The following PSD3 variants were observed in gnomAD, a reference collection of about 807,000 sequenced individuals.
PSD3 encodes the protein PH and SEC7 domain-containing protein 3.
In PSD3, 49 loss-of-function variants were observed where a neutral mutation model predicts 105.5. The observed-to-expected ratio is 0.46, with a 90% CI of 0.37 to 0.59. The LOEUF (loss-of-function observed/expected upper bound fraction) is 0.59. Ranked by LOEUF, PSD3 falls within the 20% of genes least tolerant of loss-of-function variation. The probability of loss-of-function intolerance (pLI) is 0.00; values close to 1 mark genes in which losing one functional copy is unlikely to be tolerated. For synonymous variants in PSD3, 557 were observed against 457.8 expected, an observed-to-expected ratio of 1.22 and a Z score of -2.77; for missense variants, 1,561 against 1,263.8, an observed-to-expected ratio of 1.24 and a Z score of -3.57.
At chr8:18,764,378 A>G (rs1207531847) in intron 9 of PSD3, among the ~76,000 whole-genome samples, 1 of 152,190 alleles carries the variant, frequency 6.6e-6, no homozygotes, top group African/African-American at 2.4e-5. Flanking sequence ...AAATGGCAGC[A>G]CTTGCTGTAC....
At chr8:19,072,358 AT>A (rs1255856059) in intron 1 of PSD3, among the ~76,000 whole-genome samples, 2 of 152,276 alleles carry the variant, frequency 1.3e-5, no homozygotes, top group Non-Finnish European at 2.9e-5. Context: ...AAGTGCTGGG[AT>A]TATAGGACTG....
chr8:18,745,503 C>T (rs1804934878), intron 9 of PSD3, among the ~76,000 whole-genome samples: 1 of 152,160 alleles, frequency 6.6e-6, no homozygotes, highest in Non-Finnish European at 1.5e-5. Flanking sequence ...GCACACCACC[C>T]TCTTCTTTTG....
intron 15 of PSD3, among the ~76,000 whole-genome samples, chr8:18,546,759 T>C (rs1387524811): frequency 1.3e-5 from 2 of 152,238 alleles, no homozygotes; most frequent in Non-Finnish European, 2.9e-5. Context: ...TGTACATTTG[T>C]ACCTTTTGAT....
intron 4 of PSD3, among the ~76,000 whole-genome samples, chr8:18,821,406 G>A (rs930156278): frequency 3.9e-5 from 5 of 127,270 alleles, no homozygotes; most frequent in African/African-American, 1.3e-4. Context: ...ATAATACCAG[G>A]TTCCAAAAAG....
chr8:19,058,615 C>T (rs1208791593), intron 1 of PSD3, among the ~76,000 whole-genome samples: 1 of 151,942 alleles, frequency 6.6e-6, no homozygotes, highest in Admixed American at 6.6e-5. Flanking sequence ...TCTACCCTAC[C>T]AGCTAGGCCC....
At position 18,905,853 on chromosome 8, in the gene PSD3, T is replaced by C. The variant is rs145011591; in HGVS notation, c.130+30181A>G. ...AATAATTTTTACCACTCCCTATACT[T>C]ACTAAGATTAAAGCAAGTGGTCTCT... On this transcript the variant is annotated intron_variant, in intron 2 of 15. Transcript: ENST00000327040. Among the ~76,000 whole-genome samples, 179 of 152,258 alleles carry C rather than the reference T, an allele frequency of 1.2e-3. 2 individuals carry two copies. The highest frequency in any genetic ancestry group is 3.7e-3 in the African/African-American group (154 of 41,554).
At chr8:18,762,787 G>T (rs9792188) in intron 9 of PSD3, 24,324 of 523,730 alleles carry the variant, frequency 0.046, 2,162 homozygotes, top group African/African-American at 0.23. Flanking sequence ...TTGAAGGACT[G>T]TACACAAGCT....
intron 9 of PSD3, among the ~76,000 whole-genome samples, chr8:18,728,366 C>A (rs935981907): frequency 6.6e-6 from 1 of 152,196 alleles, no homozygotes; most frequent in Non-Finnish European, 1.5e-5. Context: ...CAATTAAAAA[C>A]CAGCTACCAC....
At chr8:18,961,107 A>C (rs71510634) in intron 1 of PSD3, among the ~76,000 whole-genome samples, 3 of 151,702 alleles carry the variant, frequency 2.0e-5, no homozygotes, top group Non-Finnish European at 4.4e-5. Context: ...AAACAAACAA[A>C]CAAAAAGACT....
At chr8:18,575,342 T>G in intron 12 of PSD3, 57 bp from the exon 13 acceptor site, 1 of 1,439,130 alleles carries the variant, frequency 6.9e-7, no homozygotes, top group Non-Finnish European at 9.2e-7. Context: ...TTCAACTTAA[T>G]TTTTTAAAAG....
chr8:18,718,385 T>C (rs1802735453), intron 9 of PSD3, among the ~76,000 whole-genome samples: 1 of 152,238 alleles, frequency 6.6e-6, no homozygotes, highest in African/African-American at 2.4e-5. Flanking sequence ...CATATTATTA[T>C]GTGTGTGCTT....
chr8:18,679,300 A>T (rs1397506575), intron 9 of PSD3, among the ~76,000 whole-genome samples: 1 of 152,240 alleles, frequency 6.6e-6, no homozygotes, highest in Admixed American at 6.5e-5. Context: ...CTAACAATGC[A>T]AAGGAAACAG....
chr8:18,979,953 T>G (rs927403148), intron 1 of PSD3, among the ~76,000 whole-genome samples: 3 of 152,244 alleles, frequency 2.0e-5, no homozygotes, highest in Non-Finnish European at 4.4e-5. Flanking sequence ...AGATTTAATC[T>G]TGACAGAATT....
chr8:18,974,556 G>A (rs1051638933), intron 1 of PSD3, among the ~76,000 whole-genome samples: 3 of 152,052 alleles, frequency 2.0e-5, no homozygotes, highest in Non-Finnish European at 4.4e-5. Context: ...GCCCCACTAC[G>A]CGCTAGTCCC....
At chr8:18,658,764 A>G (rs1022190259) in intron 9 of PSD3, among the ~76,000 whole-genome samples, 4 of 152,046 alleles carry the variant, frequency 2.6e-5, no homozygotes, top group Non-Finnish European at 5.9e-5. Context: ...ATACCTAAAC[A>G]CTACCTTAAG....
At chr8:18,572,214 T>G (rs183454572) in intron 14 of PSD3, among the ~76,000 whole-genome samples, 1 of 152,220 alleles carries the variant, frequency 6.6e-6, no homozygotes, top group Non-Finnish European at 1.5e-5. Flanking sequence ...AAGAAAAGCT[T>G]GTTACCAAGC....
intron 1 of PSD3, among the ~76,000 whole-genome samples, chr8:18,978,562 T>C (rs1296039480): frequency 6.6e-6 from 1 of 152,208 alleles, no homozygotes; most frequent in African/African-American, 2.4e-5. Context: ...GCTACATCTA[T>C]GGTTGGACTG....
At chr8:18,640,195 C>A (rs1211315599) in intron 10 of PSD3, among the ~76,000 whole-genome samples, 1 of 152,256 alleles carries the variant, frequency 6.6e-6, no homozygotes, top group African/African-American at 2.4e-5. Flanking sequence ...CAGGATATTC[C>A]ATGTGTCTCC....
chr8:19,072,482 G>T (rs1829303847), intron 1 of PSD3, among the ~76,000 whole-genome samples: 1 of 152,206 alleles, frequency 6.6e-6, no homozygotes, highest in African/African-American at 2.4e-5. Context: ...GGAGAATTAA[G>T]ACATTAGGTA....
Sources: gnomAD v4.1 joint callset for allele counts (sites outside exome capture counted in the v4.1 genomes callset) on GRCh38, gnomAD v4.1.1 for gene constraint, MANE v1.5 for transcripts, NCBI Gene and HGNC (gene_info 2026-07-23, HGNC 2026-07-21) for gene names.